Variants in CNTN3 observed in about 807,000 individuals in gnomAD.
CNTN3 encodes contactin 3.
A neutral mutation model predicts 119.1 loss-of-function variants in CNTN3; 60 were observed. The observed-to-expected ratio is 0.50, with a 90% confidence interval of 0.41 to 0.62. The LOEUF is 0.62. Among genes scored for constraint, CNTN3 ranks in the 20% least tolerant of loss-of-function variants. The pLI, the probability that CNTN3 is intolerant of heterozygous loss-of-function variation, is 0.00. For missense variants in CNTN3, 1,101 were observed against 1,242.4 expected (o/e 0.89, Z 1.71); for synonymous variants, 450 against 438.7 (o/e 1.03, Z -0.32).
intron 4 of CNTN3, among the ~76,000 whole-genome samples, chr3:74,479,791 C>T (rs1456776519): frequency 6.6e-6 from 1 of 151,988 alleles, no homozygotes; most frequent in Non-Finnish European, 1.5e-5. Flanking sequence ...ACCAATCCAA[C>T]TGGAGCACTC....
intron 1 of CNTN3, among the ~76,000 whole-genome samples, chr3:74,600,462 T>C (rs894577636): frequency 1.3e-5 from 2 of 152,144 alleles, no homozygotes; most frequent in African/African-American, 4.8e-5. Context: ...GTTTCATTTC[T>C]GGTTTGGTCA....
intron 4 of CNTN3, among the ~76,000 whole-genome samples, chr3:74,465,876 A>G (rs1466566759): frequency 6.6e-6 from 1 of 152,166 alleles, no homozygotes; most frequent in Admixed American, 6.5e-5. Context: ...ATGCTGGCTG[A>G]CATCCAGGAG....
chr3:74,535,176 C>A (rs1040554766), intron 1 of CNTN3, among the ~76,000 whole-genome samples: 1 of 152,040 alleles, frequency 6.6e-6, no homozygotes, highest in Non-Finnish European at 1.5e-5. Flanking sequence ...TTTATCACAG[C>A]AAATTGAGTG....
At chr3:74,353,005 G>A (rs1703852884) in intron 11 of CNTN3, among the ~76,000 whole-genome samples, 1 of 152,180 alleles carries the variant, frequency 6.6e-6, no homozygotes. Flanking sequence ...AAGGCTGAGA[G>A]AGATGGGAGT....
intron 13 of CNTN3, among the ~76,000 whole-genome samples, chr3:74,317,104 C>T (rs571678639): frequency 9.4e-4 from 141 of 150,396 alleles, no homozygotes; most frequent in African/African-American, 3.3e-3. Context: ...CCTTCTTTGT[C>T]TCTTTTGATC....
At chr3:74,351,865 T>G (rs778292829) in intron 11 of CNTN3, among the ~76,000 whole-genome samples, 27 of 152,164 alleles carry the variant, frequency 1.8e-4, no homozygotes, top group Non-Finnish European at 3.5e-4. Context: ...CTTAATCTTC[T>G]CATAGAGTAT....
At chr3:74,378,806 T>G (rs569476209) in intron 5 of CNTN3, among the ~76,000 whole-genome samples, 1 of 152,348 alleles carries the variant, frequency 6.6e-6, no homozygotes, top group South Asian at 2.1e-4. Flanking sequence ...AGTTATGAGC[T>G]TAACATTCCC....
chr3:74,518,824 A>G (rs6763872), intron 2 of CNTN3, among the ~76,000 whole-genome samples: 7,206 of 151,968 alleles, frequency 0.047, 180 homozygotes, highest in South Asian at 0.066. Context: ...CAGCAGTCTT[A>G]GGCTGTATTT....
intron 13 of CNTN3, among the ~76,000 whole-genome samples, chr3:74,322,809 C>T (rs1703028302): frequency 6.6e-6 from 1 of 152,044 alleles, no homozygotes; most frequent in Admixed American, 6.6e-5. Context: ...TATTATTCAG[C>T]ACTAAAATGA....
chr3:74,396,079 C>G (rs1705044306), intron 5 of CNTN3, among the ~76,000 whole-genome samples: 1 of 152,162 alleles, frequency 6.6e-6, no homozygotes, highest in East Asian at 1.9e-4. Context: ...CTTTTCTCCT[C>G]TCTCTCTTGT....
intron 20 of CNTN3, among the ~76,000 whole-genome samples, chr3:74,270,484 A>AG (rs1407230587): frequency 6.6e-6 from 1 of 151,802 alleles, no homozygotes; most frequent in African/African-American, 2.4e-5. Flanking sequence ...TATGAGTTGA[A>AG]GAAAAAAAAG....
At chr3:74,505,612 A>G (rs1349975569) in intron 2 of CNTN3, among the ~76,000 whole-genome samples, 1 of 152,078 alleles carries the variant, frequency 6.6e-6, no homozygotes, top group Non-Finnish European at 1.5e-5. Flanking sequence ...ACATAATTCC[A>G]AACATCATGT....
chr3:74,531,033 A>G (rs910895393), intron 1 of CNTN3, among the ~76,000 whole-genome samples: 2 of 151,980 alleles, frequency 1.3e-5, no homozygotes, highest in Non-Finnish European at 2.9e-5. Context: ...CAAAATACTT[A>G]GCAGAATTGG....
In CNTN3 at chr3:74,369,374, C is replaced by T; in HGVS notation, c.762-1G>A. 6.3e-7 allele frequency: 1 copy of T among 1,584,764 alleles called. No homozygotes were observed. Among genetic ancestry groups the T allele is most frequent in the Non-Finnish European group, 8.6e-7 (1 of 1,167,736 alleles). Reference sequence around the variant, plus strand: ...TCTCCAATTAATCTGAGGTATGGGACTAAGAAGAAAATCGTCAAGTTGTCT... The same window carrying T: ...TCTCCAATTAATCTGAGGTATGGGATTAAGAAGAAAATCGTCAAGTTGTCT... On this transcript the variant is annotated splice_acceptor_variant, in intron 7 of 22. Transcript: ENST00000263665. LOFTEE classifies it high-confidence loss of function.
At chr3:74,435,286 T>G (rs1701847931) in intron 4 of CNTN3, among the ~76,000 whole-genome samples, 1 of 152,192 alleles carries the variant, frequency 6.6e-6, no homozygotes. Flanking sequence ...GAGATTCTTA[T>G]GCCTCAGCCT....
chr3:74,494,367 C>T (rs1703021477), intron 3 of CNTN3, among the ~76,000 whole-genome samples: 1 of 152,026 alleles, frequency 6.6e-6, no homozygotes, highest in African/African-American at 2.4e-5. Flanking sequence ...AAAATCTAAC[C>T]TTTATGTCTC....
chr3:74,498,848 G>A (rs1177512228), intron 3 of CNTN3, among the ~76,000 whole-genome samples: 1 of 151,756 alleles, frequency 6.6e-6, no homozygotes, highest in Admixed American at 6.6e-5. Context: ...TTTTAAAGGT[G>A]TCTTGAATAC....
intron 4 of CNTN3, among the ~76,000 whole-genome samples, chr3:74,460,673 CT>C (rs1702347933): frequency 6.7e-6 from 1 of 149,768 alleles, no homozygotes; most frequent in Non-Finnish European, 1.5e-5. Context: ...TTTTAGGATA[CT>C]TTTGTAGATT....
chr3:74,423,867 G>C (rs1055240748), intron 5 of CNTN3, among the ~76,000 whole-genome samples: 1 of 152,194 alleles, frequency 6.6e-6, no homozygotes, highest in African/African-American at 2.4e-5. Flanking sequence ...GAAGATGGGA[G>C]ATATCTGTTT....
Sources: gnomAD v4.1 joint callset for allele counts (sites outside exome capture counted in the v4.1 genomes callset) on GRCh38, gnomAD v4.1.1 for gene constraint, MANE v1.5 for transcripts, NCBI Gene and HGNC (gene_info 2026-07-23, HGNC 2026-07-21) for gene names.